NOBOX: variants seen among roughly 807,000 people sequenced by gnomAD.
NOBOX encodes the protein NOBOX oogenesis homeobox.
A neutral mutation model predicts 60.2 loss-of-function variants in NOBOX; 46 were observed. That is an observed-to-expected ratio of 0.76 (90% CI 0.60 to 0.98). NOBOX has a LOEUF of 0.98. Ranked by LOEUF, NOBOX falls within the 50% of genes least tolerant of loss-of-function variation. NOBOX has a pLI of 0.00. For missense variants in NOBOX, 880 were observed against 865.5 expected, an observed-to-expected ratio of 1.02 and a Z score of -0.21; for synonymous variants, 360 against 346.3, an observed-to-expected ratio of 1.04 and a Z score of -0.44.
intron 4 of NOBOX, 127 bp downstream of exon 2, chr7:144,400,919 T>G (rs2128861609): frequency 2.8e-6 from 2 of 715,040 alleles, no homozygotes; most frequent in Non-Finnish European, 4.1e-6. Context: ...CAAGAGAGAA[T>G]CCGGGACGAA....
intron 6 of NOBOX, 41 bp from the exon 5 acceptor site, chr7:144,399,523 C>T (rs1481876338): frequency 6.7e-7 from 1 of 1,501,574 alleles, no homozygotes; most frequent in Admixed American, 2.0e-5. Flanking sequence ...TTGGTGGTCT[C>T]TGGATTTGCA....
In NOBOX at chr7:144,399,433, G is replaced by A; in HGVS notation, c.1204C>T (p.Pro402Ser). 18 of 1,589,096 alleles carry A rather than the reference G, an allele frequency of 1.1e-5. No individual in the cohort carries two copies. The highest frequency in any genetic ancestry group is 1.5e-5 in the Non-Finnish European group (17 of 1,167,598). The change falls in exon 7 of 10, where the codon CCT becomes TCT. Residue 402 changes from proline (P) to serine (S), a missense_variant. Pro to Ser is a moderately conservative substitution (Grantham distance 74). Coordinates refer to ENST00000467773, the MANE Select transcript of NOBOX (RefSeq NM_001080413.3). ...TCCAGAGGGGACTCCTGAGGGAAAG[G>A]GTCAGGCTTTGGCTCCATGGGCACA...
At position 144,401,041 on chromosome 7, in the gene NOBOX, C is replaced by T. The variant is rs2053933969; in HGVS notation, c.844+5G>A. On this transcript the variant is annotated splice_donor_5th_base_variant and intron_variant, in intron 4 of 9. Coordinates refer to ENST00000467773, the MANE Select transcript of NOBOX (RefSeq NM_001080413.3). This position sits in a 1 kb window ranked among gnomAD's most constrained non-coding sequence, Gnocchi z 4.2. ...CTCTTCGGTTTCCTCTCTTTAGGGA[C>T]TTACCTGAGCGGTATAGGGTTCGTG... is the stretch of plus-strand genomic sequence containing the variant. 6.6e-7 allele frequency: 1 copy of T among 1,505,766 alleles called. No individual in the cohort carries two copies. Among genetic ancestry groups the T allele is most frequent in the Non-Finnish European group, 8.9e-7 (1 of 1,128,682 alleles). The allele number at this position is 1,505,766 out of a possible 1,614,324, so 93.3% of individuals were successfully genotyped here. A position where few individuals can be genotyped will look rare whatever the true frequency, so the allele number is the denominator to read the frequency against.
At chr7:144,402,059 G>A in intron 2 of NOBOX, 1 of 773,990 alleles carries the variant, frequency 1.3e-6, no homozygotes, top group Admixed American at 2.2e-5. Context: ...TTGGAGAAGG[G>A]ACAAGAAAGG....
intron 2 of NOBOX, 112 bp downstream of exon 1, chr7:144,403,545 G>A (rs1465293832): frequency 4.6e-6 from 1 of 219,142 alleles, no homozygotes; most frequent in Non-Finnish European, 9.0e-6. Context: ...CCCGGCCCTC[G>A]GCCTACTGAA....
intron 1 of NOBOX, among the ~76,000 whole-genome samples, chr7:144,404,967 G>A (rs1375226224): frequency 6.6e-6 from 1 of 152,164 alleles, no homozygotes; most frequent in African/African-American, 2.4e-5. Flanking sequence ...CAGGTGTTTT[G>A]CTTTAAGGAT....
chr7:144,404,467 T>C, intron 2 of NOBOX: 1 of 1,152,134 alleles, frequency 8.7e-7, no homozygotes, highest in Non-Finnish European at 1.3e-6. Flanking sequence ...TAGGCTGGGC[T>C]AGAACTCCTG....
At chr7:144,404,122 CCCTGTGGA>C (rs554158798) in intron 2 of NOBOX, among the ~76,000 whole-genome samples, 136 of 152,308 alleles carry the variant, frequency 8.9e-4, no homozygotes, top group African/African-American at 3.1e-3. Context: ...TAAAGCCCTT[CCCTGTGGA>C]CTGTGGAAGG....
intron 9 of NOBOX, among the ~76,000 whole-genome samples, chr7:144,397,960 C>G (rs1273897394): frequency 6.6e-6 from 1 of 152,178 alleles, no homozygotes; most frequent in Admixed American, 6.5e-5. Context: ...ATCTAATCCT[C>G]ACCAAGTCCC....
chr7:144,398,163 C>T, intron 9 of NOBOX, 119 bp downstream of exon 7: 1 of 867,242 alleles, frequency 1.2e-6, no homozygotes, highest in Non-Finnish European at 1.9e-6. Flanking sequence ...TAGGGGCAAA[C>T]AGAAGGATTC....
chr7:144,398,653 G>T, intron 8 of NOBOX, 67 bp from the exon 7 acceptor site: 2 of 1,178,696 alleles, frequency 1.7e-6, no homozygotes, highest in Non-Finnish European at 2.4e-6. Context: ...TACCACAGTA[G>T]CGGAGTCCCT....
chr7:144,404,765 G>A, intron 1 of NOBOX: 1 of 1,534,596 alleles, frequency 6.5e-7, no homozygotes, highest in South Asian at 1.2e-5. Flanking sequence ...CTTTCTTGGG[G>A]GAGATCTCAC....
chr7:144,404,606 A>C lies in NOBOX; in HGVS notation c.160T>G (p.Ser54Ala), dbSNP rs758730028. Residue 54 changes from serine to alanine, a missense_variant, in exon 2 of 10, where the codon TCC becomes GCC. Transcript: ENST00000467773. ...AGGCTGCACCGGATGATGAAGAAGGAGCTGAAAGAGCCACAGACTCCGTAG... is the reference window on the plus strand; with the variant it reads ...AGGCTGCACCGGATGATGAAGAAGGCGCTGAAAGAGCCACAGACTCCGTAG... The C allele has an allele frequency of 6.2e-7, 1 of 1,613,974 alleles. No individual in the cohort carries two copies. Among genetic ancestry groups the C allele is most frequent in the Non-Finnish European group, 8.5e-7 (1 of 1,179,858 alleles).
At chr7:144,403,537 C>G in intron 2 of NOBOX, 120 bp downstream of exon 1, 1 of 382,864 alleles carries the variant, frequency 2.6e-6, no homozygotes. Context: ...CGACTCCACC[C>G]GGCCCTCGGC....
At chr7:144,402,852 G>C (rs767909478) in intron 2 of NOBOX, among the ~76,000 whole-genome samples, 2 of 148,444 alleles carry the variant, frequency 1.3e-5, no homozygotes, top group African/African-American at 2.5e-5. Context: ...GGCCCCCTGG[G>C]TTCAAGCGAT....
intron 1 of NOBOX, among the ~76,000 whole-genome samples, chr7:144,405,428 G>C (rs1012483748): frequency 6.6e-6 from 1 of 152,194 alleles, no homozygotes; most frequent in East Asian, 1.9e-4. Context: ...GATCATGTCA[G>C]GGTAGTGTGG....
In NOBOX at chr7:144,400,128, C is replaced by A. The variant is rs1173051322; in HGVS notation, c.1029G>T (p.Glu343Asp). 1 of 1,613,204 alleles carries A rather than the reference C, an allele frequency of 6.2e-7. No individual in the cohort carries two copies. Among genetic ancestry groups the A allele is most frequent in the African/African-American group, 1.3e-5 (1 of 74,946 alleles). ...CTCCTACCCAGGCTACCGCTGAGCG[C>A]TCACTCTGCAATTCGAGTGTTTCAA... is the stretch of plus-strand genomic sequence containing the variant. Residue 343 changes from glutamate to aspartate, a missense_variant, in exon 5 of 10, where the codon GAG becomes GAT. Transcript: ENST00000467773.
At chr7:144,408,839 G>A (rs1355640288) in intron 1 of NOBOX, among the ~76,000 whole-genome samples, 4 of 152,188 alleles carry the variant, frequency 2.6e-5, no homozygotes, top group Non-Finnish European at 4.4e-5. Flanking sequence ...TGATGGAACC[G>A]TTCTGAATCT....
rs759213699 is a variant in NOBOX at position 144,400,193 on chromosome 7, C to T, written c.964G>A (p.Gly322Ser). The T allele has an allele frequency of 2.0e-5, 32 of 1,613,926 alleles. No homozygotes were observed. The Admixed American group carries it at 3.0e-4, about 15-fold the overall frequency. The change falls in exon 5 of 10, where the codon GGC (glycine) becomes AGC (serine). Residue 322 changes from glycine to serine, a missense_variant. Coordinates refer to ENST00000467773, the MANE Select transcript of NOBOX (RefSeq NM_001080413.3). ...CCACTCCACCCTGCCACCAGTGAGC[C>T]GGCCCCCTTTACCATGATGCGCTGG...
Sources: gnomAD v4.1 joint callset for allele counts (sites outside exome capture counted in the v4.1 genomes callset) on GRCh38, gnomAD v4.1.1 for gene constraint, Gnocchi (gnomAD v3.1) non-coding constraint, MANE v1.5 for transcripts, NCBI Gene and HGNC (gene_info 2026-07-23, HGNC 2026-07-21) for gene names.